The following STX8 variants were observed in gnomAD, a reference collection of about 807,000 sequenced individuals.
The protein encoded by STX8 is syntaxin-8.
A neutral mutation model predicts 37.5 loss-of-function variants in STX8; 23 were observed. The ratio of observed to expected loss-of-function variants is 0.61; its 90% CI spans 0.44 to 0.87. The LOEUF (loss-of-function observed/expected upper bound fraction) is 0.87, where lower values mean the gene tolerates loss of function less well. STX8 is among the 40% of genes least tolerant of loss of function. The probability of loss-of-function intolerance (pLI) is 0.00; values close to 1 mark genes in which losing one functional copy is unlikely to be tolerated. For missense variants in STX8, 313 were observed against 284.7 expected, an observed-to-expected ratio of 1.10 and a Z score of -0.71; for synonymous variants, 115 against 99.1, an observed-to-expected ratio of 1.16 and a Z score of -0.95.
chr17:9,282,619 C>T (rs1000795601), intron 7 of STX8, among the ~76,000 whole-genome samples: 4 of 152,160 alleles, frequency 2.6e-5, no homozygotes, highest in Admixed American at 6.5e-5. Flanking sequence ...TCCAGGTGTC[C>T]GTTTTCTTCG....
At chr17:9,471,755 T>C (rs1378780765) in intron 6 of STX8, among the ~76,000 whole-genome samples, 1 of 152,114 alleles carries the variant, frequency 6.6e-6, no homozygotes, top group Non-Finnish European at 1.5e-5. Context: ...GTTGGGGTAA[T>C]TCTGTGCACC....
At chr17:9,483,687 A>G (rs1906447346) in intron 6 of STX8, among the ~76,000 whole-genome samples, 1 of 152,156 alleles carries the variant, frequency 6.6e-6, no homozygotes, top group African/African-American at 2.4e-5. Flanking sequence ...TAAGGAGCAC[A>G]GTCATATTTT....
rs191334994 is a variant in STX8 at position 9,406,017 on chromosome 17, A to G, written c.542-27364T>C. ...TGCACTACAGAATAGCTGCATTTTC[A>G]ATATGAGATTAAAAGGTATAAGTGC... On this transcript the variant is annotated intron_variant, in intron 6 of 7. Transcript: ENST00000306357. Among the ~76,000 whole-genome samples, 112 of 152,308 alleles carry G rather than the reference A, an allele frequency of 7.4e-4. 1 individual carries two copies. The highest frequency in any genetic ancestry group is 6.8e-3 in the Middle Eastern group (2 of 294).
chr17:9,283,793 T>C (rs1032787459), intron 7 of STX8, among the ~76,000 whole-genome samples: 2 of 152,238 alleles, frequency 1.3e-5, no homozygotes, highest in Non-Finnish European at 2.9e-5. Flanking sequence ...ATTTCTGGAA[T>C]TATTTTATTA....
chr17:9,494,154 T>G (rs1040293644), intron 5 of STX8, among the ~76,000 whole-genome samples: 6 of 151,872 alleles, frequency 4.0e-5, no homozygotes, highest in Non-Finnish European at 8.8e-5. Flanking sequence ...TAGCTGGGAC[T>G]ACAGGCGCCC....
At chr17:9,394,284 C>T (rs577773020) in intron 6 of STX8, among the ~76,000 whole-genome samples, 2 of 152,034 alleles carry the variant, frequency 1.3e-5, no homozygotes, top group African/African-American at 4.8e-5. Context: ...GTCTGAATTG[C>T]AGGAATGTAT....
At chr17:9,304,523 A>AG (rs1326764020) in intron 7 of STX8, among the ~76,000 whole-genome samples, 2 of 150,850 alleles carry the variant, frequency 1.3e-5, no homozygotes, top group African/African-American at 4.9e-5. Context: ...AAAAAAAAAA[A>AG]AAAAAAGAAA....
At chr17:9,338,201 C>T (rs1196484166) in intron 7 of STX8, among the ~76,000 whole-genome samples, 1 of 151,724 alleles carries the variant, frequency 6.6e-6, no homozygotes, top group Non-Finnish European at 1.5e-5. Flanking sequence ...TTACAGGTGC[C>T]CGCCACCACG....
chr17:9,562,876 T>G (rs1056178328), intron 2 of STX8, among the ~76,000 whole-genome samples: 49 of 152,086 alleles, frequency 3.2e-4, no homozygotes, highest in Non-Finnish European at 5.6e-4. Context: ...ACATATGCCC[T>G]GGTTCTGAGA....
At chr17:9,473,088 G>C (rs1905947359) in intron 6 of STX8, among the ~76,000 whole-genome samples, 1 of 151,486 alleles carries the variant, frequency 6.6e-6, no homozygotes, top group Non-Finnish European at 1.5e-5. Context: ...TGTCACCCAG[G>C]CTGGAGTGCG....
intron 7 of STX8, among the ~76,000 whole-genome samples, chr17:9,267,908 T>C (rs1194568556): frequency 6.6e-6 from 1 of 151,396 alleles, no homozygotes; most frequent in African/African-American, 2.4e-5. Context: ...GGAGAATCAC[T>C]TGAACCCGGG....
At chr17:9,343,655 T>C (rs1910444591) in intron 7 of STX8, among the ~76,000 whole-genome samples, 1 of 152,066 alleles carries the variant, frequency 6.6e-6, no homozygotes, top group South Asian at 2.1e-4. Flanking sequence ...AAACCTGCGA[T>C]GGGGAAAGTG....
chr17:9,560,132 G>C (rs1374948865), intron 2 of STX8, among the ~76,000 whole-genome samples: 1 of 151,220 alleles, frequency 6.6e-6, no homozygotes, highest in East Asian at 2.0e-4. Context: ...AGGTGTGGTG[G>C]CTCACACCTG....
In STX8 at chr17:9,337,774, C is replaced by T. The variant is rs371426210; in HGVS notation, c.643+40778G>A. Among the ~76,000 whole-genome samples the T allele has an allele frequency of 3.8e-4, 58 of 152,232 alleles. No homozygotes were observed. The East Asian group carries it at 8.7e-3, about 23-fold the overall frequency. On this transcript the variant is annotated intron_variant, in intron 7 of 7. Transcript: ENST00000306357. ...ACTGAAAAGTTAGTGAAGGGAAATG[C>T]GGGATAGAAAAGAGGGCAGGTATTC...
At chr17:9,558,310 A>T (rs537539898) in intron 2 of STX8, among the ~76,000 whole-genome samples, 1 of 152,354 alleles carries the variant, frequency 6.6e-6, no homozygotes, top group African/African-American at 2.4e-5. Flanking sequence ...TGTCAAAAGC[A>T]GCAATTATAT....
At chr17:9,570,159 T>A (rs1425214980) in intron 1 of STX8, among the ~76,000 whole-genome samples, 1 of 152,090 alleles carries the variant, frequency 6.6e-6, no homozygotes, top group Admixed American at 6.6e-5. Context: ...TTTTAAAACC[T>A]TTCAATTCCC....
intron 6 of STX8, among the ~76,000 whole-genome samples, chr17:9,411,485 T>A (rs1912976789): frequency 1.3e-5 from 2 of 152,254 alleles, no homozygotes; most frequent in Non-Finnish European, 2.9e-5. Flanking sequence ...GTCCATAGCT[T>A]TGCTTTAAGA....
intron 6 of STX8, among the ~76,000 whole-genome samples, chr17:9,448,383 G>A (rs372889789): frequency 6.6e-6 from 1 of 152,258 alleles, no homozygotes. Context: ...CTGCCTTCTC[G>A]TTTCAGCTCC....
chr17:9,505,226 CA>C, intron 4 of STX8, 64 bp from the exon 5 acceptor site: 2 of 1,556,582 alleles, frequency 1.3e-6, no homozygotes, highest in South Asian at 2.4e-5. Flanking sequence ...AAATTACTCC[CA>C]CAAGTGCAGA....
Sources: gnomAD v4.1 joint callset for allele counts (sites outside exome capture counted in the v4.1 genomes callset) on GRCh38, gnomAD v4.1.1 for gene constraint, MANE v1.5 for transcripts, NCBI Gene and HGNC (gene_info 2026-07-23, HGNC 2026-07-21) for gene names.